Variants in TRIM27 observed in about 807,000 individuals in gnomAD.
The protein encoded by TRIM27 is zinc finger protein RFP.
TRIM27 carries 12 observed loss-of-function variants against 57.6 expected under a neutral mutation model. That is an observed-to-expected ratio of 0.21 (90% confidence interval 0.13 to 0.34). The LOEUF (loss-of-function observed/expected upper bound fraction) is 0.34. TRIM27 is among the 10% of genes least tolerant of loss of function. The pLI is 1.00. For missense variants in TRIM27, 403 were observed against 656.8 expected (o/e 0.61, Z 4.22); for synonymous variants, 266 against 259.0 (o/e 1.03, Z -0.26).
At chr6:28,911,824 G>T in intron 3 of TRIM27, 106 bp from the exon 4 acceptor site, 1 of 1,063,724 alleles carries the variant, frequency 9.4e-7, no homozygotes, top group Non-Finnish European at 1.4e-6. Context: ...TCTCATGGGA[G>T]AAATTAGGGA....
intron 3 of TRIM27, 92 bp from the exon 4 acceptor site, chr6:28,911,810 T>A (rs1216343786): frequency 4.1e-6 from 5 of 1,212,952 alleles, no homozygotes; most frequent in Non-Finnish European, 6.0e-6. Context: ...AACTACAGAC[T>A]GGCTCTCATG....
At chr6:28,923,087 G>T in intron 1 of TRIM27, 126 bp downstream of exon 1, 1 of 1,134,674 alleles carries the variant, frequency 8.8e-7, no homozygotes, top group Non-Finnish European at 1.2e-6. Context: ...CGGACAGAGA[G>T]GAAATGACGG....
At chr6:28,911,488 C>T (rs902207141) in intron 4 of TRIM27, 3 of 552,568 alleles carry the variant, frequency 5.4e-6, no homozygotes, top group Middle Eastern at 4.3e-4. Context: ...CACCGGCAGC[C>T]TCCCACATGA....
Position 28,923,947 on chromosome 6 carries a change from A to G in TRIM27, c.-315T>C. ...GGGCCAGGCGGGCAAAGCGCGCAAGACAACGTGGCCGCGTCCGAGCGGATG... is the reference window on the plus strand; with the variant it reads ...GGGCCAGGCGGGCAAAGCGCGCAAGGCAACGTGGCCGCGTCCGAGCGGATG... On this transcript the variant is annotated 5_prime_UTR_variant, in exon 1 of 8. Transcript: ENST00000377199. 1 of 378,094 alleles carries G rather than the reference A, an allele frequency of 2.6e-6. No individual in the cohort carries two copies. The highest frequency in any genetic ancestry group is 4.7e-6 in the Non-Finnish European group (1 of 212,072). The allele number at this position is 378,094 out of a possible 1,614,324, so 23.4% of individuals were successfully genotyped here.
At chr6:28,910,390 C>T (rs929328115) in intron 4 of TRIM27, among the ~76,000 whole-genome samples, 2 of 151,962 alleles carry the variant, frequency 1.3e-5, no homozygotes, top group African/African-American at 2.4e-5. Context: ...AGTGCAGTGG[C>T]ATGATCTCAG....
At chr6:28,922,918 A>G (rs907356425) in intron 1 of TRIM27, among the ~76,000 whole-genome samples, 3 of 152,140 alleles carry the variant, frequency 2.0e-5, no homozygotes, top group Non-Finnish European at 4.4e-5. Flanking sequence ...GGTTTTATGC[A>G]CTTCTTTTAA....
intron 3 of TRIM27, among the ~76,000 whole-genome samples, chr6:28,918,298 T>G (rs1472506101): frequency 6.6e-6 from 1 of 152,170 alleles, no homozygotes; most frequent in Non-Finnish European, 1.5e-5. Context: ...TACAACCCCT[T>G]AACAGTTGTA....
At position 28,903,025 on chromosome 6, in the gene TRIM27, T is replaced by A. The variant is rs137880402; in HGVS notation, c.*1045A>T. On this transcript the variant is annotated 3_prime_UTR_variant, in exon 8 of 8. Coordinates refer to ENST00000377199, the MANE Select transcript of TRIM27 (RefSeq NM_006510.5). ...TGTAAACATCCATATTCAGTTTATT[T>A]TTAAACAGAGGGGCACGTACCCACA... 6.5e-5 allele frequency: 14 copies of A among 216,916 alleles called. No individual in the cohort carries two copies. The highest frequency in any genetic ancestry group is 2.9e-3 in the Middle Eastern group (2 of 678). The allele number at this position is 216,916 out of a possible 1,614,324, so 13.4% of individuals were successfully genotyped here. A position where few individuals can be genotyped will look rare whatever the true frequency, so the allele number is the denominator to read the frequency against.
intron 6 of TRIM27, chr6:28,907,899 C>A: frequency 3.9e-6 from 1 of 254,288 alleles, no homozygotes; most frequent in Non-Finnish European, 7.9e-6. Context: ...GCTAGATGCC[C>A]CAAAAAGTAT....
intron 3 of TRIM27, among the ~76,000 whole-genome samples, chr6:28,916,857 G>T (rs1773648931): frequency 6.6e-6 from 1 of 151,928 alleles, no homozygotes; most frequent in Non-Finnish European, 1.5e-5. Context: ...AAGAAGGCTG[G>T]AAGGCTGGAT....
rs2150497869 is a variant in TRIM27, at chr6:28,923,621, C to A, written c.12G>T (p.Gly4=). The change falls in exon 1 of 8, where the codon GGG becomes GGT. Residue 4 remains glycine, a synonymous_variant. Coordinates refer to ENST00000377199, the MANE Select transcript of TRIM27 (RefSeq NM_006510.5). ...CCTGCTGCAGGCACTCGGCCACACT[C>A]CCGGAGGCCATGGCGCCGGCCTGCG... MAS[G]SVAECLQQET... 7.6e-6 allele frequency: 12 copies of A among 1,583,740 alleles called. No individual in the cohort carries two copies. Among genetic ancestry groups the A allele is most frequent in the Non-Finnish European group, 9.5e-6 (11 of 1,161,948 alleles).
Position 28,923,334 on chromosome 6 carries a change from C to T in TRIM27, c.299G>A (p.Arg100His). The change falls in exon 1 of 8, where the codon CGC (arginine) becomes CAC (histidine). Residue 100 changes from arginine to histidine, a missense_variant. Physicochemically the swap from Arg to His is conservative, Grantham distance 29 (BLOSUM62 0). Transcript: ENST00000377199. ...GGEMGVCEKH[R>H]EPLKLYCEED... ...CTCGCAGTACAGCTTCAGGGGCTCGCGGTGCTTCTCGCACACGCCCATCTC... is the reference window on the plus strand; with the variant it reads ...CTCGCAGTACAGCTTCAGGGGCTCGTGGTGCTTCTCGCACACGCCCATCTC... The T allele has an allele frequency of 6.2e-7, 1 of 1,612,008 alleles. No individual in the cohort carries two copies. Among genetic ancestry groups the T allele is most frequent in the Non-Finnish European group, 8.5e-7 (1 of 1,179,728 alleles).
chr6:28,919,956 G>A, intron 3 of TRIM27, 56 bp downstream of exon 3: 1 of 1,532,352 alleles, frequency 6.5e-7, no homozygotes, highest in Non-Finnish European at 8.8e-7. Context: ...CTTGGCAAAG[G>A]AGAAGGGACG....
At chr6:28,908,769 C>T (rs762382714) in intron 6 of TRIM27, 39 bp downstream of exon 6, 3 of 1,607,972 alleles carry the variant, frequency 1.9e-6, no homozygotes, top group African/African-American at 2.7e-5. Context: ...TTTTTCCAAG[C>T]AACTTTACAT....
chr6:28,904,505 C>G lies in TRIM27; in HGVS notation c.1107G>C (p.Gly369=). ...CVLGSPCFIA[G]RHYWEVEVGD... is the part of the protein sequence containing the mutation. ...CCACCTCTACCTCCCAATAATGTCT[C>G]CCGGCGATGAAGCATGGAGAGCCCA... Residue 369 remains glycine (G), a synonymous_variant, in exon 8 of 8, where the codon GGG becomes GGC. Transcript: ENST00000377199. The surrounding 1 kb of genome is among the most constrained non-coding windows in gnomAD (Gnocchi z 6.1). 1 of 1,613,008 alleles carries G rather than the reference C, an allele frequency of 6.2e-7. No individual in the cohort carries two copies. Among genetic ancestry groups the G allele is most frequent in the Non-Finnish European group, 8.5e-7 (1 of 1,180,024 alleles).
chr6:28,909,402 C>T (rs1001464388), intron 4 of TRIM27, among the ~76,000 whole-genome samples: 1 of 152,212 alleles, frequency 6.6e-6, no homozygotes, highest in African/African-American at 2.4e-5. Context: ...CCACCACGTC[C>T]GGCCCAAGTA....
intron 3 of TRIM27, among the ~76,000 whole-genome samples, chr6:28,916,132 G>C (rs1160043514): frequency 6.6e-6 from 1 of 151,970 alleles, no homozygotes. Context: ...GGCCAGGCTG[G>C]TCTCGAACTC....
chr6:28,923,468 C>T lies in TRIM27; in HGVS notation c.165G>A (p.Gln55=), dbSNP rs764025830. 35 of 1,612,256 alleles carry T rather than the reference C, an allele frequency of 2.2e-5. No individual in the cohort carries two copies. In the East Asian group the frequency reaches 7.8e-4, roughly 36 times the overall value. ...GTAETNVSCP[Q]CRETFPQRHM... Reference sequence around the variant, plus strand: ...GCCTCTGCGGGAAGGTCTCCCGGCACTGCGGGCACGACACGTTAGTCTCTG... The same window carrying T: ...GCCTCTGCGGGAAGGTCTCCCGGCATTGCGGGCACGACACGTTAGTCTCTG... Residue 55 remains glutamine, a synonymous_variant, in exon 1 of 8, where the codon CAG becomes CAA. Coordinates refer to ENST00000377199, the MANE Select transcript of TRIM27 (RefSeq NM_006510.5).
At position 28,908,794 on chromosome 6, in the gene TRIM27, G is replaced by T. The variant is rs765153706; in HGVS notation, c.919+14C>A. On this transcript the variant is annotated intron_variant, in intron 6 of 7. Transcript: ENST00000377199. The stretch of plus-strand genomic sequence containing the variant: ...CAACTTTACATCAAAAGCCCAGTAG[G>T]TAGATAAATTTACCTTGGATTTTCT... 8.1e-6 allele frequency: 13 copies of T among 1,612,962 alleles called. No homozygotes were observed. The African/African-American group carries it at 1.1e-4, about 13-fold the overall frequency.
Sources: gnomAD v4.1 joint callset for allele counts (sites outside exome capture counted in the v4.1 genomes callset) on GRCh38, gnomAD v4.1.1 for gene constraint, Gnocchi (gnomAD v3.1) non-coding constraint, MANE v1.5 for transcripts, NCBI Gene and HGNC (gene_info 2026-07-23, HGNC 2026-07-21) for gene names.